Variants in SLIT3 observed in about 807,000 individuals in gnomAD.
SLIT3 encodes the protein slit guidance ligand 3.
In SLIT3, 68 loss-of-function variants were observed where a neutral mutation model predicts 184.0. That is an observed-to-expected ratio of 0.37 (90% CI 0.30 to 0.45). The LOEUF (loss-of-function observed/expected upper bound fraction) is 0.45. Among genes scored for constraint, SLIT3 ranks in the 20% least tolerant of loss-of-function variants. The pLI is 1.00. For synonymous variants in SLIT3, 831 were observed against 828.6 expected, an observed-to-expected ratio of 1.00 and a Z score of -0.05; for missense variants, 1,707 against 2,026.0, an observed-to-expected ratio of 0.84 and a Z score of 3.02.
chr5:168,714,022 TCTC>T (rs770431176), intron 23 of SLIT3, among the ~76,000 whole-genome samples: 4 of 152,158 alleles, frequency 2.6e-5, no homozygotes, highest in Non-Finnish European at 5.9e-5. Flanking sequence ...ATCAGCTCCT[TCTC>T]CTCCCACCTC....
intron 1 of SLIT3, among the ~76,000 whole-genome samples, chr5:169,298,532 C>T (rs902765997): frequency 6.6e-6 from 1 of 152,080 alleles, no homozygotes; most frequent in African/African-American, 2.4e-5. Context: ...GTTGCGAGAC[C>T]CCAAGCAGCA....
At chr5:168,700,969 C>A (rs1762196515) in intron 26 of SLIT3, among the ~76,000 whole-genome samples, 1 of 152,230 alleles carries the variant, frequency 6.6e-6, no homozygotes, top group South Asian at 2.1e-4. Context: ...AGGGCAAGAG[C>A]CCAGGCTATG....
chr5:169,127,691 T>C (rs1012139553), intron 4 of SLIT3, among the ~76,000 whole-genome samples: 3 of 152,226 alleles, frequency 2.0e-5, no homozygotes, highest in African/African-American at 4.8e-5. Context: ...TCTGGCACTG[T>C]ACCTGACACC....
intron 6 of SLIT3, among the ~76,000 whole-genome samples, chr5:168,829,831 A>T (rs1757822195): frequency 1.3e-5 from 2 of 152,222 alleles, no homozygotes; most frequent in Non-Finnish European, 2.9e-5. Context: ...GACGATGTGC[A>T]CAGAGGGGTT....
chr5:168,982,136 G>A (rs917121487), intron 4 of SLIT3, among the ~76,000 whole-genome samples: 1 of 152,144 alleles, frequency 6.6e-6, no homozygotes, highest in African/African-American at 2.4e-5. Context: ...TTATGCCTGT[G>A]TAATCTAATA....
intron 17 of SLIT3, 43 bp from the exon 18 acceptor site, chr5:168,753,141 T>C: frequency 6.2e-7 from 1 of 1,607,446 alleles, no homozygotes; most frequent in Non-Finnish European, 8.5e-7. Context: ...AGGCATGATC[T>C]TTTCTGTCCC....
chr5:169,273,876 T>G (rs951092027), intron 1 of SLIT3, among the ~76,000 whole-genome samples: 3 of 152,158 alleles, frequency 2.0e-5, no homozygotes, highest in African/African-American at 7.2e-5. Context: ...CCTAAGAATC[T>G]TCACATTGAT....
intron 4 of SLIT3, among the ~76,000 whole-genome samples, chr5:169,111,089 C>A (rs1414705958): frequency 3.3e-5 from 5 of 152,184 alleles, no homozygotes; most frequent in African/African-American, 1.2e-4. Context: ...GTAAACTGCC[C>A]CATGCCTAGG....
intron 1 of SLIT3, among the ~76,000 whole-genome samples, chr5:169,276,264 C>A (rs984495876): frequency 5.3e-5 from 8 of 152,058 alleles, no homozygotes; most frequent in African/African-American, 1.9e-4. Flanking sequence ...TTTTTTCTCC[C>A]AGATGCCAGC....
At chr5:169,213,962 T>A (rs1764352777) in intron 3 of SLIT3, among the ~76,000 whole-genome samples, 1 of 152,150 alleles carries the variant, frequency 6.6e-6, no homozygotes, top group African/African-American at 2.4e-5. Flanking sequence ...GGTACCAAGA[T>A]GGCAAGTAAT....
chr5:169,180,533 T>C (rs1185497176), intron 4 of SLIT3, among the ~76,000 whole-genome samples: 2 of 152,194 alleles, frequency 1.3e-5, no homozygotes, highest in Non-Finnish European at 2.9e-5. Flanking sequence ...GAAGGACTGC[T>C]GGTCCACGGT....
chr5:169,049,293 T>G (rs977003734), intron 4 of SLIT3, among the ~76,000 whole-genome samples: 1 of 152,188 alleles, frequency 6.6e-6, no homozygotes, highest in Admixed American at 6.5e-5. Flanking sequence ...TAATTCACTA[T>G]GTTCGACGTG....
chr5:169,116,323 A>G (rs1760661717), intron 4 of SLIT3, among the ~76,000 whole-genome samples: 1 of 152,168 alleles, frequency 6.6e-6, no homozygotes, highest in Non-Finnish European at 1.5e-5. Flanking sequence ...ACGGAAGAAG[A>G]GTGGGACAGA....
chr5:169,131,293 G>A (rs907809618), intron 4 of SLIT3, among the ~76,000 whole-genome samples: 3 of 152,198 alleles, frequency 2.0e-5, no homozygotes, highest in Admixed American at 6.5e-5. Flanking sequence ...TTCTCCGAGC[G>A]CAGTACCTGG....
intron 32 of SLIT3, among the ~76,000 whole-genome samples, chr5:168,676,528 G>A (rs1024487083): frequency 6.6e-6 from 1 of 152,192 alleles, no homozygotes; most frequent in Admixed American, 6.5e-5. Flanking sequence ...GCAAGGCAGA[G>A]GCCTCTGATC....
intron 1 of SLIT3, among the ~76,000 whole-genome samples, chr5:169,269,172 T>TG (rs578183436): frequency 3.2e-4 from 48 of 152,160 alleles, no homozygotes; most frequent in Non-Finnish European, 5.6e-4. Context: ...GCAAGGGCTG[T>TG]GGGGGTTCAC....
intron 5 of SLIT3, among the ~76,000 whole-genome samples, chr5:168,861,380 G>A (rs1343108926): frequency 6.6e-6 from 1 of 151,558 alleles, no homozygotes; most frequent in Non-Finnish European, 1.5e-5. Flanking sequence ...TGAATTCCAT[G>A]CGTGTCCGTC....
chr5:168,962,323 CACACACACACACAT>C (rs1387771867), intron 4 of SLIT3, among the ~76,000 whole-genome samples: 5 of 151,432 alleles, frequency 3.3e-5, no homozygotes, highest in Non-Finnish European at 4.4e-5. Flanking sequence ...CACACACACA[CACACACACACACAT>C]ACACACACAC....
At chr5:169,047,571 T>A (rs1032198673) in intron 4 of SLIT3, among the ~76,000 whole-genome samples, 1 of 151,010 alleles carries the variant, frequency 6.6e-6, no homozygotes, top group Non-Finnish European at 1.5e-5. Flanking sequence ...TCTGGAGACC[T>A]AGATGGAGCC....
Sources: allele counts gnomAD v4.1 joint callset (sites outside exome capture counted in the v4.1 genomes callset), GRCh38; gene constraint gnomAD v4.1.1; transcripts MANE v1.5; gene names NCBI Gene and HGNC (gene_info 2026-07-23, HGNC 2026-07-21).